The following ACAP2 variants were observed in gnomAD, a reference collection of about 807,000 sequenced individuals.
The protein encoded by ACAP2 is ArfGAP with coiled-coil, ankyrin repeat and PH domains 2, also known as arf-GAP with coiled-coil, ANK repeat and PH domain-containing protein 2.
ACAP2 carries 39 observed loss-of-function variants against 115.8 expected under a neutral mutation model. That is an observed-to-expected ratio of 0.34 (90% confidence interval 0.26 to 0.44). The LOEUF (loss-of-function observed/expected upper bound fraction) is 0.44. Ranked by LOEUF, ACAP2 falls within the 20% of genes least tolerant of loss-of-function variation. The pLI is 1.00. For synonymous variants in ACAP2, 289 were observed against 315.8 expected (o/e 0.92, Z 0.90); for missense variants, 662 against 927.6 (o/e 0.71, Z 3.72).
chr3:195,280,594 A>G (rs1186476113), intron 22 of ACAP2: 1 of 152,242 alleles, frequency 6.6e-6, no homozygotes, highest in Non-Finnish European at 1.5e-5. Flanking sequence ...AATAAATACC[A>G]AGGACATCTG....
chr3:195,276,164 T>C lies in ACAP2; in HGVS notation c.*3164A>G, dbSNP rs1726181213. The C allele has an allele frequency of 6.6e-6, 1 of 152,626 alleles. No homozygotes were observed. The highest frequency in any genetic ancestry group is 2.1e-4 in the South Asian group (1 of 4,834). 9.5% of individuals were successfully genotyped at this position (152,626 alleles called of 1,614,324 possible). The stretch of plus-strand genomic sequence containing the variant: ...ATATTTTTAAAATACAAACTTAAAT[T>C]GGCCAGATTCTGAATGTGTACTTTT... On this transcript the variant is annotated 3_prime_UTR_variant, in exon 23 of 23. Transcript: ENST00000326793.
intron 9 of ACAP2, among the ~76,000 whole-genome samples, chr3:195,321,199 CTTTTG>C (rs570327255): frequency 1.4e-3 from 185 of 133,322 alleles, no homozygotes; most frequent in African/African-American, 4.6e-3. Context: ...GTTTAAAATT[CTTTTG>C]TTTTATCACA....
At chr3:195,415,465 C>T (rs1280399224) in intron 1 of ACAP2, among the ~76,000 whole-genome samples, 4 of 151,664 alleles carry the variant, frequency 2.6e-5, no homozygotes, top group Non-Finnish European at 4.4e-5. Context: ...TTAGTAGAGA[C>T]GGGATTTCAC....
At chr3:195,392,674 G>A (rs978594546) in intron 1 of ACAP2, among the ~76,000 whole-genome samples, 7 of 152,028 alleles carry the variant, frequency 4.6e-5, no homozygotes, top group Non-Finnish European at 7.4e-5. Flanking sequence ...AGAAAAATTA[G>A]CAAAGGTTAG....
chr3:195,387,844 CGTGCCAAGAACT>C (rs1229428482), intron 2 of ACAP2, among the ~76,000 whole-genome samples: 2 of 152,188 alleles, frequency 1.3e-5, no homozygotes, highest in African/African-American at 4.8e-5. Context: ...GAATTTACCA[CGTGCCAAGAACT>C]GTGCTAAGTA....
chr3:195,320,876 G>T, intron 9 of ACAP2, 63 bp from the exon 10 acceptor site: 1 of 1,101,208 alleles, frequency 9.1e-7, no homozygotes, highest in Non-Finnish European at 1.4e-6. Context: ...ACAAGAAATG[G>T]ATCCTAAGAA....
At chr3:195,337,963 C>G (rs1328140158) in intron 6 of ACAP2, among the ~76,000 whole-genome samples, 5 of 151,372 alleles carry the variant, frequency 3.3e-5, no homozygotes, top group Admixed American at 3.3e-4. Context: ...CAACCTGAGC[C>G]TGGGGCCACT....
chr3:195,428,926 G>A (rs1276823315), intron 1 of ACAP2, among the ~76,000 whole-genome samples: 1 of 152,010 alleles, frequency 6.6e-6, no homozygotes. Flanking sequence ...CAACTCCTAG[G>A]TATTTATCTT....
chr3:195,299,096 T>C (rs1394315242), intron 15 of ACAP2, among the ~76,000 whole-genome samples: 5 of 152,192 alleles, frequency 3.3e-5, no homozygotes, highest in Non-Finnish European at 7.3e-5. Context: ...ATACTAATTA[T>C]TATATATAAA....
At position 195,295,836 on chromosome 3, in the gene ACAP2, T is replaced by G. The variant is rs1353553777; in HGVS notation, c.1544A>C (p.Lys515Thr). ...AKYVERKFVDKYSISLSPPEQ... is the reference protein window; with the variant it reads ...AKYVERKFVDTYSISLSPPEQ... ...AGGAGGTGATAATGATATAGAATATTTATCCACAAATTTCCTCTCCACATA... is the reference window on the plus strand; with the variant it reads ...AGGAGGTGATAATGATATAGAATATGTATCCACAAATTTCCTCTCCACATA... Residue 515 changes from lysine (K) to threonine (T), a missense_variant, in exon 17 of 23, where the codon AAA becomes ACA. Transcript: ENST00000326793. 6.2e-7 allele frequency: 1 copy of G among 1,613,938 alleles called. No homozygotes were observed.
intron 1 of ACAP2, among the ~76,000 whole-genome samples, chr3:195,437,687 C>T (rs1277857308): frequency 5.3e-5 from 8 of 151,408 alleles, no homozygotes; most frequent in South Asian, 2.1e-4. Context: ...TGGTGGCAGG[C>T]GCCTGTAATC....
At chr3:195,326,122 A>T (rs2108613591) in intron 9 of ACAP2, among the ~76,000 whole-genome samples, 1 of 152,328 alleles carries the variant, frequency 6.6e-6, no homozygotes, top group Non-Finnish European at 1.5e-5. Flanking sequence ...AACCATAAAA[A>T]AGTTGATTTT....
rs555547997 is a variant in ACAP2 at position 195,383,043 on chromosome 3, T to C, written c.112-1021A>G. Among the ~76,000 whole-genome samples, 114 of 152,234 alleles carry C rather than the reference T, an allele frequency of 7.5e-4. 2 individuals are homozygous for C. In the South Asian group the frequency reaches 0.023, roughly 31 times the overall value. On this transcript the variant is annotated intron_variant, in intron 2 of 22. Transcript: ENST00000326793. ...ATATGTAGCAATTCCCAAAAATATG[T>C]GACCATGGAATTCTTGTTAAGAGGA... is the stretch of plus-strand genomic sequence containing the variant.
intron 4 of ACAP2, among the ~76,000 whole-genome samples, chr3:195,372,266 C>G (rs1458400288): frequency 8.5e-5 from 13 of 152,198 alleles, no homozygotes; most frequent in Non-Finnish European, 1.3e-4. Flanking sequence ...AAAGGTGCCA[C>G]ATTTCATTAA....
chr3:195,332,884 TCTTTC>T (rs1730266185), intron 8 of ACAP2, 139 bp downstream of exon 8: 1 of 534,106 alleles, frequency 1.9e-6, no homozygotes, highest in Non-Finnish European at 3.2e-6. Flanking sequence ...CAATTAAACC[TCTTTC>T]CTTTCTAGAT....
At chr3:195,346,961 G>A (rs573073103) in intron 4 of ACAP2, among the ~76,000 whole-genome samples, 89 of 152,256 alleles carry the variant, frequency 5.8e-4, no homozygotes, top group Non-Finnish European at 1.1e-3. Flanking sequence ...ACTGATAGGA[G>A]GAGGATGGAA....
chr3:195,378,786 G>A (rs75910295), intron 4 of ACAP2, among the ~76,000 whole-genome samples: 3,239 of 149,586 alleles, frequency 0.022, 110 homozygotes, highest in East Asian at 0.1. Flanking sequence ...ACCTGAACCC[G>A]GGAGGCGGAG....
intron 22 of ACAP2, chr3:195,279,684 G>T (rs1726361295): frequency 7.2e-6 from 2 of 279,096 alleles, no homozygotes; most frequent in African/African-American, 2.2e-5. Context: ...GAGCAAAGAT[G>T]CAAGTGTTTT....
rs573715396 is a variant in ACAP2, at chr3:195,378,411, G to A, written c.285+2598C>T. Among the ~76,000 whole-genome samples the A allele has an allele frequency of 2.9e-3, 434 of 151,922 alleles. 1 individual carries two copies. The highest frequency in any genetic ancestry group is 6.8e-3 in the Middle Eastern group (2 of 292). On this transcript the variant is annotated intron_variant, in intron 4 of 22. Transcript: ENST00000326793. ...AGAGGCTGAGGCAGGAGAATCCCTCGAACCCAGGAGGCAGAGGTTGCAGTG... is the reference window on the plus strand; with the variant it reads ...AGAGGCTGAGGCAGGAGAATCCCTCAAACCCAGGAGGCAGAGGTTGCAGTG...
Sources: gnomAD v4.1 joint callset for allele counts (sites outside exome capture counted in the v4.1 genomes callset) on GRCh38, gnomAD v4.1.1 for gene constraint, MANE v1.5 for transcripts, NCBI Gene and HGNC (gene_info 2026-07-23, HGNC 2026-07-21) for gene names.